The following MEMO1 variants were observed in gnomAD, a reference collection of about 807,000 sequenced individuals.
The protein encoded by MEMO1 is mediator of cell motility 1, also known as protein MEMO1.
MEMO1 carries 6 observed loss-of-function variants against 45.2 expected under a neutral mutation model. The observed-to-expected ratio is 0.13, with a 90% CI of 0.07 to 0.26. MEMO1 has a LOEUF of 0.26. MEMO1 is among the 10% of genes least tolerant of loss of function. The pLI is 1.00. For synonymous variants in MEMO1, 78 were observed against 124.3 expected (o/e 0.63, Z 2.48); for missense variants, 184 against 370.5 (o/e 0.50, Z 4.13).
chr2:31,996,384 C>T (rs202002118), intron 2 of MEMO1, among the ~76,000 whole-genome samples: 2 of 152,014 alleles, frequency 1.3e-5, no homozygotes, highest in East Asian at 3.9e-4. Flanking sequence ...CCCATCTCTA[C>T]TAAAAACAAA....
chr2:31,926,234 T>C (rs1683087414), intron 4 of MEMO1, among the ~76,000 whole-genome samples: 1 of 152,038 alleles, frequency 6.6e-6, no homozygotes, highest in African/African-American at 2.4e-5. Flanking sequence ...TAGCCAGGCA[T>C]GCTGGCACAG....
At chr2:31,884,540 C>T (rs1054609521) in intron 7 of MEMO1, among the ~76,000 whole-genome samples, 3 of 152,072 alleles carry the variant, frequency 2.0e-5, no homozygotes, top group Admixed American at 2.0e-4. Flanking sequence ...TTTAAGTTTT[C>T]TGTTCATCTT....
intron 3 of MEMO1, among the ~76,000 whole-genome samples, chr2:31,933,351 T>TTATATATATATATATATA (rs370773425): frequency 1.9e-3 from 86 of 45,032 alleles, no homozygotes; most frequent in East Asian, 8.0e-3. Flanking sequence ...AAAAAAAAAT[T>TTATATATATATATATATA]TATATATATA....
intron 4 of MEMO1, chr2:31,923,465 A>G (rs1682633668): frequency 1.5e-6 from 1 of 673,894 alleles, no homozygotes; most frequent in Non-Finnish European, 2.2e-6. Flanking sequence ...AAAAAAGTCA[A>G]ATCTATAGAT....
intron 2 of MEMO1, among the ~76,000 whole-genome samples, chr2:31,951,115 C>A (rs376924069): frequency 6.6e-6 from 1 of 152,112 alleles, no homozygotes; most frequent in Non-Finnish European, 1.5e-5. Context: ...AGAAAACAAC[C>A]CAGGGATGGT....
intron 5 of MEMO1, among the ~76,000 whole-genome samples, chr2:31,919,866 G>T (rs1474030169): frequency 6.6e-6 from 1 of 151,740 alleles, no homozygotes; most frequent in African/African-American, 2.4e-5. Context: ...GTGTGTGTGT[G>T]TGTGTTTATA....
chr2:31,986,076 C>T (rs1284330319), intron 2 of MEMO1, among the ~76,000 whole-genome samples: 1 of 152,114 alleles, frequency 6.6e-6, no homozygotes, highest in Admixed American at 6.6e-5. Context: ...TCCCTTCTCA[C>T]TACTGCCTAT....
intron 2 of MEMO1, chr2:31,963,090 G>C (rs1668212914): frequency 7.2e-7 from 1 of 1,394,728 alleles, no homozygotes; most frequent in Non-Finnish European, 9.4e-7. Context: ...TAAGTCTTGA[G>C]TCAACCAACC....
chr2:31,927,798 T>A (rs1683329361), intron 4 of MEMO1, among the ~76,000 whole-genome samples: 1 of 152,212 alleles, frequency 6.6e-6, no homozygotes. Context: ...TTTGAATGCA[T>A]TCCACAAAGG....
At chr2:31,993,413 A>G (rs1321198456) in intron 2 of MEMO1, among the ~76,000 whole-genome samples, 6 of 152,318 alleles carry the variant, frequency 3.9e-5, no homozygotes, top group Admixed American at 1.3e-4. Context: ...AAACAAAATG[A>G]GATTTTAAAT....
rs777234952 is a variant in MEMO1 at position 31,883,455 on chromosome 2, C to T, written c.588G>A (p.Arg196=). 23 of 1,584,682 alleles carry T rather than the reference C, an allele frequency of 1.5e-5. No homozygotes were observed. The highest frequency in any genetic ancestry group is 8.2e-5 in the African/African-American group (6 of 73,392). The change falls in exon 8 of 10, where the codon AGG becomes AGA. Residue 196 remains arginine, a synonymous_variant. Coordinates refer to ENST00000404530, the MANE Select transcript of MEMO1 (RefSeq NM_001301833.4). ...VSSDFCHWGQ[R]FRYSYYDESQ... ...ATTCATCATAGTAACTGTAACGGAA[C>T]CTTTGACCTTGAAACAAATATCATG...
intron 2 of MEMO1, among the ~76,000 whole-genome samples, chr2:31,958,995 A>T (rs1384697502): frequency 6.6e-6 from 1 of 152,170 alleles, no homozygotes; most frequent in Non-Finnish European, 1.5e-5. Flanking sequence ...TGCCTAAATA[A>T]ATTGAAGGGG....
At chr2:31,972,903 G>C (rs907052720) in intron 2 of MEMO1, among the ~76,000 whole-genome samples, 8 of 152,168 alleles carry the variant, frequency 5.3e-5, no homozygotes, top group African/African-American at 1.7e-4. Context: ...CACATGAAAA[G>C]ATGATCATCC....
intron 2 of MEMO1, among the ~76,000 whole-genome samples, chr2:31,978,893 TA>T (rs1558549844): frequency 1.3e-5 from 2 of 152,192 alleles, no homozygotes; most frequent in African/African-American, 2.4e-5. Flanking sequence ...ATTTTTTTCA[TA>T]AGGCAATACT....
chr2:31,893,644 T>C (rs184346335), intron 6 of MEMO1, among the ~76,000 whole-genome samples: 6 of 152,272 alleles, frequency 3.9e-5, no homozygotes, highest in Admixed American at 6.5e-5. Context: ...GTTCAGAGCA[T>C]AGGTAAGTTC....
At chr2:31,972,806 C>T (rs917922462) in intron 2 of MEMO1, among the ~76,000 whole-genome samples, 2 of 152,094 alleles carry the variant, frequency 1.3e-5, no homozygotes, top group Non-Finnish European at 2.9e-5. Context: ...TCTTACAACT[C>T]AACAACAAAA....
chr2:31,993,599 C>A (rs764288153), intron 2 of MEMO1, among the ~76,000 whole-genome samples: 10 of 152,160 alleles, frequency 6.6e-5, no homozygotes, highest in Non-Finnish European at 1.5e-4. Flanking sequence ...CTCTGGAAAT[C>A]TGCAAAGGGG....
intron 4 of MEMO1, among the ~76,000 whole-genome samples, chr2:31,931,539 G>A (rs560838340): frequency 6.6e-6 from 1 of 150,478 alleles, no homozygotes; most frequent in Admixed American, 6.6e-5. Context: ...AGAGTCTCAA[G>A]TTCCCAGGAA....
chr2:32,009,968 CG>C (rs1674629627), intron 2 of MEMO1, among the ~76,000 whole-genome samples: 1 of 150,924 alleles, frequency 6.6e-6, no homozygotes, highest in South Asian at 2.1e-4. Context: ...TGAGGCCGGC[CG>C]GCCCCGGGCT....
Sources: gnomAD v4.1 joint callset for allele counts (sites outside exome capture counted in the v4.1 genomes callset) on GRCh38, gnomAD v4.1.1 for gene constraint, MANE v1.5 for transcripts, NCBI Gene and HGNC (gene_info 2026-07-23, HGNC 2026-07-21) for gene names.